Variants in TMEM163 observed in about 807,000 individuals in gnomAD.
TMEM163 encodes the protein transmembrane protein 163.
TMEM163 carries 17 observed loss-of-function variants against 29.3 expected under a neutral mutation model. The ratio of observed to expected loss-of-function variants is 0.58; its 90% CI spans 0.40 to 0.87. The LOEUF is 0.87. TMEM163 is among the 40% of genes least tolerant of loss of function. TMEM163 has a pLI of 0.00. For synonymous variants in TMEM163, 157 were observed against 160.6 expected, an observed-to-expected ratio of 0.98 and a Z score of 0.17; for missense variants, 303 against 381.5, an observed-to-expected ratio of 0.79 and a Z score of 1.71.
At chr2:134,461,294 A>G (rs1410740436) in intron 6 of TMEM163, among the ~76,000 whole-genome samples, 1 of 152,230 alleles carries the variant, frequency 6.6e-6, no homozygotes, top group African/African-American at 2.4e-5. Context: ...CATTCATTGT[A>G]TGCAGAATAT....
intron 2 of TMEM163, among the ~76,000 whole-genome samples, chr2:134,595,475 A>T (rs568764276): frequency 2.6e-5 from 4 of 152,268 alleles, no homozygotes; most frequent in African/African-American, 9.6e-5. Flanking sequence ...ATAGTATTCC[A>T]TGGTGTATAT....
chr2:134,456,516 A>G lies in TMEM163; in HGVS notation c.*200T>C, dbSNP rs1220712887. ...GGGAAGGAGGTCCATTCCTATGGGC[A>G]TTGTCCCAACATGTTTGATGGGGGC... On this transcript the variant is annotated 3_prime_UTR_variant, in exon 8 of 8. Coordinates refer to ENST00000281924, the MANE Select transcript of TMEM163 (RefSeq NM_030923.5). The G allele has an allele frequency of 3.2e-6, 2 of 620,242 alleles. No homozygotes were observed. The highest frequency in any genetic ancestry group is 5.6e-5 in the East Asian group (2 of 35,900). 38.4% of individuals were successfully genotyped at this position (620,242 alleles called of 1,614,324 possible). A position where few individuals can be genotyped will look rare whatever the true frequency, so the allele number is the denominator to read the frequency against.
chr2:134,609,624 C>T (rs867215977), intron 2 of TMEM163, among the ~76,000 whole-genome samples: 2 of 61,018 alleles, frequency 3.3e-5, no homozygotes, highest in Non-Finnish European at 3.1e-5. Context: ...GGAGGACAGA[C>T]CCCGAGAACT....
chr2:134,639,179 C>T (rs1683174104), intron 2 of TMEM163, among the ~76,000 whole-genome samples: 1 of 152,214 alleles, frequency 6.6e-6, no homozygotes, highest in South Asian at 2.1e-4. Context: ...ACCGAGCTGA[C>T]ACTGAGCAGA....
chr2:134,634,169 G>A (rs536388238), intron 2 of TMEM163, among the ~76,000 whole-genome samples: 12 of 151,848 alleles, frequency 7.9e-5, no homozygotes, highest in African/African-American at 2.9e-4. Context: ...GTCAGATGGG[G>A]CATGAACAAA....
At chr2:134,674,945 A>C (rs1684083130) in intron 2 of TMEM163, among the ~76,000 whole-genome samples, 1 of 152,196 alleles carries the variant, frequency 6.6e-6, no homozygotes, top group African/African-American at 2.4e-5. Context: ...GTTCCTTTAA[A>C]AAACCTTTGT....
At chr2:134,476,335 G>A (rs921706878) in intron 5 of TMEM163, among the ~76,000 whole-genome samples, 4 of 152,192 alleles carry the variant, frequency 2.6e-5, no homozygotes, top group Non-Finnish European at 5.9e-5. Flanking sequence ...CAGCAAAGGG[G>A]CAGGAGGGAT....
At chr2:134,630,487 CA>C (rs1682942819) in intron 2 of TMEM163, among the ~76,000 whole-genome samples, 1 of 152,086 alleles carries the variant, frequency 6.6e-6, no homozygotes, top group South Asian at 2.1e-4. Context: ...GAGAATAAGA[CA>C]AGCAGGGCGA....
At chr2:134,621,752 G>T (rs1466756323) in intron 2 of TMEM163, among the ~76,000 whole-genome samples, 1 of 152,010 alleles carries the variant, frequency 6.6e-6, no homozygotes, top group Non-Finnish European at 1.5e-5. Context: ...TTAGCCGGGC[G>T]TGGTGGCAGG....
At chr2:134,576,586 G>A (rs566151267) in intron 2 of TMEM163, among the ~76,000 whole-genome samples, 1 of 152,146 alleles carries the variant, frequency 6.6e-6, no homozygotes, top group Non-Finnish European at 1.5e-5. Flanking sequence ...GGAGAGAAAG[G>A]TCTCCCACAC....
intron 2 of TMEM163, among the ~76,000 whole-genome samples, chr2:134,672,087 T>C (rs893823299): frequency 5.3e-5 from 8 of 152,320 alleles, no homozygotes; most frequent in African/African-American, 1.7e-4. Context: ...ATTTGGATTA[T>C]AAAAAGTGTC....
intron 2 of TMEM163, among the ~76,000 whole-genome samples, chr2:134,703,745 G>A (rs1221408570): frequency 6.6e-6 from 1 of 151,322 alleles, no homozygotes; most frequent in African/African-American, 2.4e-5. Flanking sequence ...AAGAGGTGAA[G>A]AGCTTGCTGG....
intron 1 of TMEM163, among the ~76,000 whole-genome samples, chr2:134,715,076 C>T (rs1685008981): frequency 6.6e-6 from 1 of 152,168 alleles, no homozygotes; most frequent in South Asian, 2.1e-4. Flanking sequence ...CTCAAATAAG[C>T]AGTTTGTTTG....
intron 4 of TMEM163, among the ~76,000 whole-genome samples, chr2:134,503,519 G>A (rs576657305): frequency 6.6e-6 from 1 of 152,306 alleles, no homozygotes. Context: ...AAAATGGGAA[G>A]CCATTACTGT....
Position 134,456,277 on chromosome 2 carries a change from T to A in TMEM163, c.*439A>T. 6.1e-6 allele frequency: 1 copy of A among 162,656 alleles called. No individual in the cohort carries two copies. Among genetic ancestry groups the A allele is most frequent in the Non-Finnish European group, 1.3e-5 (1 of 74,428 alleles). The allele number at this position is 162,656 out of a possible 1,614,324, so 10.1% of individuals were successfully genotyped here. On this transcript the variant is annotated 3_prime_UTR_variant, in exon 8 of 8. Coordinates refer to ENST00000281924, the MANE Select transcript of TMEM163 (RefSeq NM_030923.5). ...CTGATGATTCTGGGTATGTAAAGGG[T>A]GAGGGGTACAATCTTCCCTTAAGAC...
At chr2:134,706,667 A>C (rs1684818864) in intron 2 of TMEM163, among the ~76,000 whole-genome samples, 1 of 152,212 alleles carries the variant, frequency 6.6e-6, no homozygotes, top group Admixed American at 6.5e-5. Flanking sequence ...GGCATCTGAG[A>C]CTAAGGGAAG....
intron 2 of TMEM163, among the ~76,000 whole-genome samples, chr2:134,648,619 C>T (rs1051201795): frequency 1.2e-4 from 19 of 152,036 alleles, no homozygotes; most frequent in African/African-American, 4.1e-4. Flanking sequence ...CTGGCAACAA[C>T]GAAAGATTGT....
chr2:134,498,354 CTTTTTTTTTTT>C (rs765734718), intron 5 of TMEM163, among the ~76,000 whole-genome samples: 3 of 115,470 alleles, frequency 2.6e-5, no homozygotes, highest in Admixed American at 1.9e-4. Context: ...TGCATGTGGG[CTTTTTTTTTTT>C]TTTTTTTTTT....
intron 2 of TMEM163, among the ~76,000 whole-genome samples, chr2:134,681,509 AC>A (rs1264892415): frequency 4.7e-5 from 7 of 147,416 alleles, no homozygotes; most frequent in African/African-American, 1.8e-4. Context: ...CTTTCTCTCT[AC>A]CCCCCACTCT....
Sources: allele counts gnomAD v4.1 joint callset (sites outside exome capture counted in the v4.1 genomes callset), GRCh38; gene constraint gnomAD v4.1.1; transcripts MANE v1.5; gene names NCBI Gene and HGNC (gene_info 2026-07-23, HGNC 2026-07-21).